OPA3: variants seen among roughly 807,000 people sequenced by gnomAD.
The protein encoded by OPA3 is optic atrophy 3 protein.
OPA3 carries 6 observed loss-of-function variants against 4.0 expected under a neutral mutation model. The observed-to-expected ratio is 1.51, with a 90% confidence interval of 0.83 to 2.99. The LOEUF is 2.99. OPA3 is among the 30% of genes most tolerant of loss of function. The probability of loss-of-function intolerance (pLI) is 0.00; values close to 1 mark genes in which losing one functional copy is unlikely to be tolerated. For synonymous variants in OPA3, 105 were observed against 117.1 expected, an observed-to-expected ratio of 0.90 and a Z score of 0.67; for missense variants, 235 against 256.2, an observed-to-expected ratio of 0.92 and a Z score of 0.56.
At chr19:45,571,105 A>G (rs924076011) in intron 1 of OPA3, among the ~76,000 whole-genome samples, 1 of 151,760 alleles carries the variant, frequency 6.6e-6, no homozygotes, top group Non-Finnish European at 1.5e-5. Flanking sequence ...AGCGCTATAC[A>G]TGACTGCTAA....
Position 45,559,093 on chromosome 19 carries a change from A to C in OPA3, c.143-5182T>G, listed in dbSNP as rs192863610. ...GAGACGGGATTTCACCATGTTGGCC[A>C]GGCTGGTCTCAAACTCCTGACCTCA... On this transcript the variant is annotated intron_variant, in intron 1 of 1. Coordinates refer to ENST00000263275, the MANE Select transcript of OPA3 (RefSeq NM_025136.4). 2.6e-3 allele frequency among the ~76,000 whole-genome samples: 402 copies of C among 152,248 alleles called. 3 individuals are homozygous for C. Among genetic ancestry groups the C allele is most frequent in the African/African-American group, 9.3e-3 (388 of 41,576 alleles).
In OPA3 at chr19:45,553,184, A is replaced by G; in HGVS notation, c.*330T>C. 7.6e-7 allele frequency: 1 copy of G among 1,315,566 alleles called. No individual in the cohort carries two copies. The highest frequency in any genetic ancestry group is 1.6e-5 in the South Asian group (1 of 63,048). The allele number at this position is 1,315,566 out of a possible 1,614,324, so 81.5% of individuals were successfully genotyped here. A position where few individuals can be genotyped will look rare whatever the true frequency, so the allele number is the denominator to read the frequency against. ...AGGTAAACCGGGGGTGGGGGTAACA[A>G]TAACACATTGATTCAGCTCAAGACC... On this transcript the variant is annotated 3_prime_UTR_variant, in exon 2 of 2. Coordinates refer to ENST00000263275, the MANE Select transcript of OPA3 (RefSeq NM_025136.4).
At chr19:45,567,906 T>C (rs1291578584) in intron 1 of OPA3, among the ~76,000 whole-genome samples, 1 of 152,160 alleles carries the variant, frequency 6.6e-6, no homozygotes, top group East Asian at 1.9e-4. Context: ...GTCAATAAAT[T>C]ATTATTCAGG....
At chr19:45,538,126 G>GA (rs35522061) in intron 1 of OPA3, among the ~76,000 whole-genome samples, 47 of 117,924 alleles carry the variant, frequency 4.0e-4, no homozygotes, top group South Asian at 5.5e-4. Flanking sequence ...AATGCCACCT[G>GA]AAAAAAAAAA....
downstream of OPA3, among the ~76,000 whole-genome samples, chr19:45,542,018 T>G (rs1196505050): frequency 6.6e-6 from 1 of 152,184 alleles, no homozygotes; most frequent in African/African-American, 2.4e-5. Flanking sequence ...TCATGCTCGC[T>G]GCAACCCAAC....
At position 45,548,303 on chromosome 19, in the gene OPA3, T is replaced by C. The variant is rs1194147187; in HGVS notation, c.*5211A>G. On this transcript the variant is annotated 3_prime_UTR_variant, in exon 2 of 2. Transcript: ENST00000263275. ...TTTCTCCTGGGGTGGCTCTCAGCCA[T>C]TTTGCCTCCCTCCAGGCAATGGCCT... The C allele has an allele frequency of 7.1e-6, 7 of 985,416 alleles. No homozygotes were observed. The highest frequency in any genetic ancestry group is 5.2e-4 in the Middle Eastern group (1 of 1,916). 61.0% of individuals were successfully genotyped at this position (985,416 alleles called of 1,614,324 possible).
intron 1 of OPA3, among the ~76,000 whole-genome samples, chr19:45,536,536 G>A (rs967733484): frequency 1.2e-4 from 16 of 135,588 alleles, no homozygotes; most frequent in African/African-American, 4.6e-4. Context: ...CGACAAGAGT[G>A]AAACTCTGTC....
At position 45,548,562 on chromosome 19, in the gene OPA3, T is replaced by C; in HGVS notation, c.*4952A>G. 5 of 985,406 alleles carry C rather than the reference T, an allele frequency of 5.1e-6. No individual in the cohort carries two copies. Among genetic ancestry groups the C allele is most frequent in the Non-Finnish European group, 6.0e-6 (5 of 829,936 alleles). The allele number at this position is 985,406 out of a possible 1,614,324, so 61.0% of individuals were successfully genotyped here. ...ACGTGTGAGCATCTGTAAGACCCGG[T>C]GACGGCAGGGCTGGGGCTGTCTCTG... is the stretch of plus-strand genomic sequence containing the variant. On this transcript the variant is annotated 3_prime_UTR_variant, in exon 2 of 2. Transcript: ENST00000263275.
chr19:45,576,771 G>T (rs2122506948), intron 1 of OPA3, among the ~76,000 whole-genome samples: 1 of 152,140 alleles, frequency 6.6e-6, no homozygotes, highest in Admixed American at 6.6e-5. Context: ...TCCCTTATAA[G>T]GACCCCTGTG....
chr19:45,565,950 T>C (rs1599981485), intron 1 of OPA3, among the ~76,000 whole-genome samples: 2 of 152,174 alleles, frequency 1.3e-5, no homozygotes, highest in Middle Eastern at 6.8e-3. Flanking sequence ...CACTTGGTCT[T>C]AATCAAATCA....
intron 1 of OPA3, among the ~76,000 whole-genome samples, chr19:45,538,012 T>C (rs1472328585): frequency 7.0e-6 from 1 of 143,880 alleles, no homozygotes; most frequent in African/African-American, 2.6e-5. Flanking sequence ...GAGGACTGCC[T>C]GAATTCAGGA....
intron 1 of OPA3, among the ~76,000 whole-genome samples, chr19:45,582,682 A>G (rs1969874471): frequency 6.6e-6 from 1 of 152,040 alleles, no homozygotes. Context: ...TTGGGGGGCC[A>G]CAAGATCAGA....
intron 1 of OPA3, among the ~76,000 whole-genome samples, chr19:45,563,262 C>G (rs1185194992): frequency 6.6e-6 from 1 of 152,120 alleles, no homozygotes; most frequent in East Asian, 1.9e-4. Context: ...CAGGTTCACA[C>G]CGTTCTCCTG....
chr19:45,549,242 C>A lies in OPA3; in HGVS notation c.*4272G>T. On this transcript the variant is annotated 3_prime_UTR_variant, in exon 2 of 2. Coordinates refer to ENST00000263275, the MANE Select transcript of OPA3 (RefSeq NM_025136.4). ...CTAGCAGAACACACGAGCAGTGAAC[C>A]ATCCTCTGGCCTCTTGCATTTTGAG... The A allele has an allele frequency of 1.0e-6, 1 of 985,448 alleles. No homozygotes were observed. The highest frequency in any genetic ancestry group is 4.7e-5 in the South Asian group (1 of 21,294). 61.0% of individuals were successfully genotyped at this position (985,448 alleles called of 1,614,324 possible).
intron 1 of OPA3, among the ~76,000 whole-genome samples, chr19:45,568,065 C>T (rs1272260479): frequency 6.6e-6 from 1 of 152,164 alleles, no homozygotes; most frequent in African/African-American, 2.4e-5. Context: ...CTGGTACGAT[C>T]TCAGCTCACT....
Position 45,548,655 on chromosome 19 carries a change from T to TTG in OPA3, c.*4858_*4859insCA, listed in dbSNP as rs1279402444. 8.6e-4 allele frequency: 580 copies of TTG among 676,340 alleles called. 3 individuals carry two copies. The African/African-American group carries it at 0.019, about 22-fold the overall frequency. 41.9% of individuals were successfully genotyped at this position (676,340 alleles called of 1,614,324 possible). ...AACTCAGTGAGTTTTGTGTTTTATT[T>TTG]TTTTTATTTTTTTTTTTTTTGCGGG... On this transcript the variant is annotated 3_prime_UTR_variant, in exon 2 of 2. Transcript: ENST00000263275.
intron 1 of OPA3, among the ~76,000 whole-genome samples, chr19:45,580,481 C>T (rs558250675): frequency 6.0e-4 from 90 of 150,134 alleles, no homozygotes; most frequent in Middle Eastern, 3.5e-3. Context: ...TTAGTAGAGA[C>T]GGGGTTTCTC....
Position 45,553,000 on chromosome 19 carries a change from G to A in OPA3, c.*514C>T. 1 of 1,004,518 alleles carries A rather than the reference G, an allele frequency of 1.0e-6. No homozygotes were observed. The highest frequency in any genetic ancestry group is 1.2e-6 in the Non-Finnish European group (1 of 841,608). 62.2% of individuals were successfully genotyped at this position (1,004,518 alleles called of 1,614,324 possible). On this transcript the variant is annotated 3_prime_UTR_variant, in exon 2 of 2. Coordinates refer to ENST00000263275, the MANE Select transcript of OPA3 (RefSeq NM_025136.4). ...CGCACCGTTTTTTTCCTCCTTAAGA[G>A]AGCACTGATGCTCAGCTAGAGCTGA...
At chr19:45,584,090 C>G (rs1354176667) in intron 1 of OPA3, among the ~76,000 whole-genome samples, 4 of 152,180 alleles carry the variant, frequency 2.6e-5, no homozygotes, top group Non-Finnish European at 4.4e-5. Flanking sequence ...CTCCAGAACC[C>G]AGACTTCACC....
Sources: gnomAD v4.1 joint callset for allele counts (sites outside exome capture counted in the v4.1 genomes callset) on GRCh38, gnomAD v4.1.1 for gene constraint, MANE v1.5 for transcripts, NCBI Gene and HGNC (gene_info 2026-07-23, HGNC 2026-07-21) for gene names.